The following SHLD1 variants were observed in gnomAD, a reference collection of about 807,000 sequenced individuals.
SHLD1 encodes shieldin complex subunit 1.
Under a neutral mutation model 5.5 loss-of-function variants are expected in SHLD1, and 3 were observed. That is an observed-to-expected ratio of 0.54 (90% CI 0.25 to 1.40). The LOEUF (loss-of-function observed/expected upper bound fraction) is 1.40. SHLD1 is among the 40% of genes most tolerant of loss of function. The pLI is 0.15. For synonymous variants in SHLD1, 92 were observed against 94.3 expected (o/e 0.98, Z 0.14); for missense variants, 210 against 244.4 (o/e 0.86, Z 0.94).
chr20:5,772,101 C>T (rs1985199158), intron 1 of SHLD1: 1 of 426,710 alleles, frequency 2.3e-6, no homozygotes, highest in African/African-American at 2.0e-5. Context: ...GTCTTGAACT[C>T]CTGACCTCAG....
chr20:5,862,930 A>T, intron 2 of SHLD1, 94 bp from the exon 3 acceptor site: 2 of 1,077,660 alleles, frequency 1.9e-6, no homozygotes, highest in Non-Finnish European at 2.7e-6. Flanking sequence ...AACAGTAAGC[A>T]TGTTGAACTG....
At chr20:5,756,470 A>G (rs1259728583) in intron 1 of SHLD1, among the ~76,000 whole-genome samples, 1 of 152,062 alleles carries the variant, frequency 6.6e-6, no homozygotes, top group Non-Finnish European at 1.5e-5. Flanking sequence ...TTCAGTATAC[A>G]TCTTACATGT....
chr20:5,765,563 C>T (rs982200265), intron 1 of SHLD1, among the ~76,000 whole-genome samples: 2 of 151,428 alleles, frequency 1.3e-5, no homozygotes, highest in African/African-American at 4.9e-5. Flanking sequence ...ATTAAATCAC[C>T]CTTAAGAGAG....
intron 2 of SHLD1, among the ~76,000 whole-genome samples, chr20:5,774,647 G>A (rs1985343438): frequency 6.6e-6 from 1 of 152,116 alleles, no homozygotes; most frequent in Non-Finnish European, 1.5e-5. Flanking sequence ...AAGAAAGAGA[G>A]GGGGAAGGTG....
At chr20:5,781,345 C>T (rs1249917533) in intron 2 of SHLD1, among the ~76,000 whole-genome samples, 7 of 152,136 alleles carry the variant, frequency 4.6e-5, no homozygotes, top group Admixed American at 4.6e-4. Context: ...CTACAGTGAG[C>T]TATGATTGTA....
chr20:5,857,861 A>T (rs965364922), intron 2 of SHLD1, among the ~76,000 whole-genome samples: 1 of 152,046 alleles, frequency 6.6e-6, no homozygotes, highest in Non-Finnish European at 1.5e-5. Flanking sequence ...ACACTTTGGG[A>T]GGCCAAGGCA....
chr20:5,834,240 GAGT>G (rs1471578406), intron 2 of SHLD1, among the ~76,000 whole-genome samples: 2 of 152,188 alleles, frequency 1.3e-5, no homozygotes, highest in Non-Finnish European at 2.9e-5. Context: ...GTTTATGGAA[GAGT>G]CTTCCTGCCT....
chr20:5,794,655 A>G (rs1006395940), intron 2 of SHLD1, among the ~76,000 whole-genome samples: 1 of 152,132 alleles, frequency 6.6e-6, no homozygotes, highest in African/African-American at 2.4e-5. Flanking sequence ...TTTGATTTGT[A>G]TTTGAAAGGT....
chr20:5,830,431 G>T (rs2087714577), intron 2 of SHLD1, among the ~76,000 whole-genome samples: 1 of 152,158 alleles, frequency 6.6e-6, no homozygotes, highest in Admixed American at 6.5e-5. Flanking sequence ...TGTACTCCCA[G>T]CACTTTGGGA....
chr20:5,750,507 T>TGG (rs1983676974), intron 1 of SHLD1, 28 bp downstream of exon 1: 1 of 58,268 alleles, frequency 1.7e-5, no homozygotes, highest in Non-Finnish European at 3.1e-5. Flanking sequence ...TGGGGGGGGG[T>TGG]TGGAGTGGTG....
intron 1 of SHLD1, among the ~76,000 whole-genome samples, chr20:5,762,930 G>A (rs680155): frequency 1.4e-5 from 2 of 142,876 alleles, no homozygotes; most frequent in African/African-American, 5.3e-5. Context: ...CCGAGATCGC[G>A]CCGTTGCACT....
chr20:5,764,206 TA>T (rs776828400), intron 1 of SHLD1, among the ~76,000 whole-genome samples: 19,369 of 66,602 alleles, frequency 0.29, 1,795 homozygotes, highest in South Asian at 0.36. Flanking sequence ...TATATATATA[TA>T]TTTGTGTGTG....
chr20:5,852,415 C>CCCTTCCTTCCTTCCTT (rs71334360), intron 2 of SHLD1, among the ~76,000 whole-genome samples: 127 of 150,102 alleles, frequency 8.5e-4, no homozygotes, highest in African/African-American at 2.9e-3. Flanking sequence ...TCCTTTCCCT[C>CCCTTCCTTCCTTCCTT]CCTTCCTTCC....
chr20:5,802,544 G>C (rs2087309078), intron 2 of SHLD1, among the ~76,000 whole-genome samples: 1 of 152,200 alleles, frequency 6.6e-6, no homozygotes, highest in Admixed American at 6.5e-5. Context: ...TGCTTTGTAA[G>C]TGTCTGATCC....
chr20:5,824,050 G>C (rs939918214), intron 2 of SHLD1, among the ~76,000 whole-genome samples: 3 of 152,150 alleles, frequency 2.0e-5, no homozygotes, highest in Non-Finnish European at 4.4e-5. Context: ...AAACCTTTCA[G>C]TGCGCTTAGG....
intron 2 of SHLD1, among the ~76,000 whole-genome samples, chr20:5,780,251 TA>T (rs1708610512): frequency 6.6e-6 from 1 of 152,198 alleles, no homozygotes; most frequent in African/African-American, 2.4e-5. Flanking sequence ...AGTGCTGAAT[TA>T]CAGGTGTGAG....
chr20:5,812,622 T>C (rs1056107147), intron 2 of SHLD1, among the ~76,000 whole-genome samples: 16 of 152,226 alleles, frequency 1.1e-4, no homozygotes, highest in African/African-American at 3.6e-4. Context: ...AGCTTTGCCA[T>C]GTGTATTACT....
At chr20:5,815,959 T>C (rs1638718272) in intron 2 of SHLD1, among the ~76,000 whole-genome samples, 1 of 151,882 alleles carries the variant, frequency 6.6e-6, no homozygotes, top group African/African-American at 2.4e-5. Flanking sequence ...TGTGTGCCTG[T>C]AATTCCAGCT....
intron 2 of SHLD1, among the ~76,000 whole-genome samples, chr20:5,793,458 G>T (rs970502628): frequency 1.3e-5 from 2 of 151,994 alleles, no homozygotes; most frequent in Non-Finnish European, 2.9e-5. Flanking sequence ...GGTTTTTTTT[G>T]ATGTATAGAG....
Sources: allele counts gnomAD v4.1 joint callset (sites outside exome capture counted in the v4.1 genomes callset), GRCh38; gene constraint gnomAD v4.1.1; transcripts MANE v1.5; gene names NCBI Gene and HGNC (gene_info 2026-07-23, HGNC 2026-07-21).